SLC45A4: variants seen among roughly 807,000 people sequenced by gnomAD.
SLC45A4 encodes the protein solute carrier family 45 member 4, also known as polyamine-transporter SLC45A4.
A neutral mutation model predicts 63.7 loss-of-function variants in SLC45A4; 32 were observed. That is an observed-to-expected ratio of 0.50 (90% CI 0.38 to 0.67). SLC45A4 has a LOEUF of 0.67. SLC45A4 is among the 30% of genes least tolerant of loss of function. The probability of loss-of-function intolerance (pLI) is 0.00; values close to 1 mark genes in which losing one functional copy is unlikely to be tolerated. For missense variants in SLC45A4, 1,027 were observed against 1,157.7 expected, an observed-to-expected ratio of 0.89 and a Z score of 1.64; for synonymous variants, 535 against 510.0, an observed-to-expected ratio of 1.05 and a Z score of -0.66.
chr8:141,302,814 G>A (rs1316528037), intron 1 of SLC45A4, among the ~76,000 whole-genome samples: 1 of 152,038 alleles, frequency 6.6e-6, no homozygotes, highest in Non-Finnish European at 1.5e-5. Context: ...CATCTCCAGC[G>A]TGGAGATGTC....
intron 1 of SLC45A4, among the ~76,000 whole-genome samples, chr8:141,305,710 G>C (rs1464389310): frequency 6.6e-6 from 1 of 152,182 alleles, no homozygotes; most frequent in Non-Finnish European, 1.5e-5. Flanking sequence ...AGGACCCTCG[G>C]GAAGAGCGGG....
At chr8:141,217,363 A>G (rs927675652) in intron 5 of SLC45A4, among the ~76,000 whole-genome samples, 174 bp from the exon 6 acceptor site, 2 of 152,224 alleles carry the variant, frequency 1.3e-5, no homozygotes, top group African/African-American at 2.4e-5. Flanking sequence ...AAGCATTTCC[A>G]TGCCTCCCAG....
chr8:141,294,350 C>T (rs1054792442), intron 1 of SLC45A4, among the ~76,000 whole-genome samples: 19 of 152,238 alleles, frequency 1.2e-4, no homozygotes, highest in African/African-American at 1.9e-4. Context: ...GCAGAGGGAA[C>T]GTGCACCGGG....
chr8:141,247,361 T>C (rs1489650794), intron 2 of SLC45A4, among the ~76,000 whole-genome samples: 1 of 138,026 alleles, frequency 7.2e-6, no homozygotes, highest in Non-Finnish European at 1.7e-5. Flanking sequence ...GTGACGGACC[T>C]ACATACTAAA....
intron 1 of SLC45A4, among the ~76,000 whole-genome samples, chr8:141,263,395 A>G (rs544863476): frequency 3.0e-5 from 4 of 135,204 alleles, no homozygotes; most frequent in African/African-American, 8.6e-5. Flanking sequence ...AGAAGAAGAA[A>G]AAAGAAATAA....
At chr8:141,262,941 A>C (rs1829098337) in intron 1 of SLC45A4, among the ~76,000 whole-genome samples, 1 of 151,736 alleles carries the variant, frequency 6.6e-6, no homozygotes, top group Non-Finnish European at 1.5e-5. Flanking sequence ...ACTATTCACA[A>C]TAGCAAAGAC....
At chr8:141,242,346 C>G (rs1827956735) in intron 2 of SLC45A4, among the ~76,000 whole-genome samples, 1 of 152,140 alleles carries the variant, frequency 6.6e-6, no homozygotes, top group Admixed American at 6.5e-5. Context: ...ATTTCTTAAA[C>G]CTAGGTATCT....
At chr8:141,211,750 T>C in intron 8 of SLC45A4, 53 bp from the exon 9 acceptor site, 4 of 1,480,414 alleles carry the variant, frequency 2.7e-6, no homozygotes, top group Non-Finnish European at 3.6e-6. Flanking sequence ...ACACTACCAT[T>C]ATCTGAAGCA....
chr8:141,295,063 C>T (rs1199044389), intron 1 of SLC45A4, among the ~76,000 whole-genome samples: 1 of 152,196 alleles, frequency 6.6e-6, no homozygotes, highest in Non-Finnish European at 1.5e-5. Flanking sequence ...GCCTGTCTGT[C>T]TTGGGTTGGC....
At chr8:141,241,813 T>A (rs914146848) in intron 2 of SLC45A4, among the ~76,000 whole-genome samples, 1 of 152,168 alleles carries the variant, frequency 6.6e-6, no homozygotes, top group Non-Finnish European at 1.5e-5. Context: ...GCTTCTGCTC[T>A]AGAGCGCCTT....
Position 141,225,624 on chromosome 8 carries a change from G to A in SLC45A4, c.242-3859C>T, listed in dbSNP as rs73713382. On this transcript the variant is annotated intron_variant, in intron 2 of 8. Coordinates refer to ENST00000517878, the MANE Select transcript of SLC45A4 (RefSeq NM_001286646.2). ...CTTTGTGCTGCCAACCCTGGGAGCC[G>A]GGAAGACGCTGGGTCCGGAGCAGCC... The A allele has an allele frequency of 6.1e-3, 927 of 152,562 alleles. 11 individuals are homozygous for A. The highest frequency in any genetic ancestry group is 0.022 in the African/African-American group (897 of 41,554). The allele number at this position is 152,562 out of a possible 1,614,324, so 9.5% of individuals were successfully genotyped here.
chr8:141,219,282 GCCTCTCTGCACTGAAGGGCATTC>G (rs1293717336), intron 4 of SLC45A4, among the ~76,000 whole-genome samples: 1 of 152,272 alleles, frequency 6.6e-6, no homozygotes. Flanking sequence ...GCAAGTGTGC[GCCTCTCTGCACTGAAGGGCATTC>G]CCTCTGCATA....
intron 1 of SLC45A4, among the ~76,000 whole-genome samples, chr8:141,268,510 G>A (rs1407837669): frequency 1.3e-5 from 2 of 152,148 alleles, no homozygotes; most frequent in Non-Finnish European, 1.5e-5. Context: ...CACTCTGGCC[G>A]GCGACACAGA....
At chr8:141,237,439 C>G (rs1308911550) in intron 2 of SLC45A4, among the ~76,000 whole-genome samples, 1 of 152,202 alleles carries the variant, frequency 6.6e-6, no homozygotes, top group Non-Finnish European at 1.5e-5. Context: ...CCCCTTGCAA[C>G]TTGGGGGCAC....
intron 7 of SLC45A4, 53 bp from the exon 8 acceptor site, chr8:141,212,609 C>T: frequency 6.5e-7 from 1 of 1,526,994 alleles, no homozygotes; most frequent in East Asian, 2.3e-5. Flanking sequence ...TGGCTGCTAC[C>T]CGTGCTTCAC....
rs1826109237 is a variant in SLC45A4 at position 141,215,815 on chromosome 8, T to C, written c.1885A>G (p.Met629Val). Residue 629 changes from methionine to valine, a missense_variant, in exon 7 of 9, where the codon ATG becomes GTG. Physicochemically the swap from Met to Val is conservative, Grantham distance 21. Transcript: ENST00000517878. This position sits in a 1 kb window ranked among gnomAD's most constrained non-coding sequence, Gnocchi z 4.3. Reference protein sequence around the residue: ...VTISTMGIVSMSISYCPYALL... With the variant: ...VTISTMGIVSVSISYCPYALL... ...GCGTACGGGCAGTAGGAGATGCTCA[T>C]GGAGACGATGCCCATGGTGCTGATG... 3 of 1,614,056 alleles carry C rather than the reference T, an allele frequency of 1.9e-6. No individual in the cohort carries two copies. The highest frequency in any genetic ancestry group is 1.3e-5 in the African/African-American group (1 of 74,998).
chr8:141,294,823 G>T (rs1278893874), intron 1 of SLC45A4, among the ~76,000 whole-genome samples: 4 of 152,232 alleles, frequency 2.6e-5, no homozygotes, highest in African/African-American at 9.6e-5. Context: ...CAGCTCCTAA[G>T]TCACCACTTG....
intron 1 of SLC45A4, among the ~76,000 whole-genome samples, chr8:141,277,876 T>C (rs375888156): frequency 6.6e-6 from 1 of 152,158 alleles, no homozygotes; most frequent in African/African-American, 2.4e-5. Context: ...TCTCCTGACC[T>C]CGTGATCCGC....
intron 1 of SLC45A4, among the ~76,000 whole-genome samples, chr8:141,283,244 G>A (rs552156964): frequency 2.0e-3 from 305 of 152,308 alleles, no homozygotes; most frequent in Non-Finnish European, 3.5e-3. Context: ...CCCAGGCTAC[G>A]ACACCTCAAG....
Sources: allele counts gnomAD v4.1 joint callset (sites outside exome capture counted in the v4.1 genomes callset), GRCh38; gene constraint gnomAD v4.1.1; non-coding constraint Gnocchi (gnomAD v3.1); transcripts MANE v1.5; gene names NCBI Gene and HGNC (gene_info 2026-07-23, HGNC 2026-07-21).